The following TACR1 variants were observed in gnomAD, a reference collection of about 807,000 sequenced individuals.
The protein encoded by TACR1 is tachykinin receptor 1.
A neutral mutation model predicts 35.8 loss-of-function variants in TACR1; 25 were observed. The observed-to-expected ratio is 0.70, with a 90% CI of 0.51 to 0.98. TACR1 has a LOEUF of 0.98. Ranked by LOEUF, TACR1 falls within the 50% of genes least tolerant of loss-of-function variation. TACR1 has a pLI of 0.00. For synonymous variants in TACR1, 195 were observed against 206.7 expected, an observed-to-expected ratio of 0.94 and a Z score of 0.48; for missense variants, 478 against 522.9, an observed-to-expected ratio of 0.91 and a Z score of 0.84.
intron 1 of TACR1, among the ~76,000 whole-genome samples, chr2:75,179,954 TATGGCCTTCTTCTCTAGCCTCTACCC>T (rs1163078263): frequency 6.6e-6 from 1 of 152,230 alleles, no homozygotes; most frequent in Non-Finnish European, 1.5e-5. Flanking sequence ...TTGTGGTCTA[TATGGCCTTCTTCTCTAGCCTCTACCC>T]TGACTCACTC....
At chr2:75,150,418 G>A (rs1674644655) in intron 1 of TACR1, among the ~76,000 whole-genome samples, 1 of 152,048 alleles carries the variant, frequency 6.6e-6, no homozygotes, top group Non-Finnish European at 1.5e-5. Flanking sequence ...GAATCATAGG[G>A]GCCTGTCTTT....
At chr2:75,103,678 T>A (rs1007996579) in intron 2 of TACR1, among the ~76,000 whole-genome samples, 1 of 152,146 alleles carries the variant, frequency 6.6e-6, no homozygotes, top group Non-Finnish European at 1.5e-5. Flanking sequence ...GTAGGAACAT[T>A]CCTCTCCACT....
intron 1 of TACR1, among the ~76,000 whole-genome samples, chr2:75,161,265 A>T (rs1162543518): frequency 6.6e-6 from 1 of 152,166 alleles, no homozygotes; most frequent in Non-Finnish European, 1.5e-5. Context: ...CAAATCTTGC[A>T]AACATTTAAA....
At chr2:75,112,364 G>A (rs1235964637) in intron 2 of TACR1, among the ~76,000 whole-genome samples, 1 of 151,922 alleles carries the variant, frequency 6.6e-6, no homozygotes, top group Non-Finnish European at 1.5e-5. Context: ...AACTCTTTCA[G>A]ATGATTCACT....
intron 1 of TACR1, among the ~76,000 whole-genome samples, chr2:75,141,529 GA>G (rs531502268): frequency 7.3e-4 from 105 of 144,564 alleles, no homozygotes; most frequent in East Asian, 1.4e-3. Context: ...TGGAGGCAAG[GA>G]AAAAAAAAAA....
intron 2 of TACR1, chr2:75,118,905 C>G (rs574854513): frequency 2.6e-5 from 4 of 152,132 alleles, no homozygotes; most frequent in African/African-American, 9.6e-5. Context: ...TGTGTTCTTT[C>G]TCCCGCTGGG....
intron 1 of TACR1, among the ~76,000 whole-genome samples, chr2:75,131,409 A>C (rs1178387158): frequency 6.6e-6 from 1 of 152,174 alleles, no homozygotes; most frequent in African/African-American, 2.4e-5. Context: ...AATTCTTTAA[A>C]AAATTCAACT....
At chr2:75,175,147 T>G (rs575119090) in intron 1 of TACR1, among the ~76,000 whole-genome samples, 2 of 152,320 alleles carry the variant, frequency 1.3e-5, no homozygotes, top group East Asian at 3.9e-4. Flanking sequence ...TACTTCCTTT[T>G]GCAAATTGGA....
At chr2:75,099,756 GTCC>G (rs1302909439) in intron 2 of TACR1, among the ~76,000 whole-genome samples, 1 of 152,098 alleles carries the variant, frequency 6.6e-6, no homozygotes, top group African/African-American at 2.4e-5. Context: ...CTTTTATCAA[GTCC>G]TCCTTTTCTA....
At chr2:75,157,153 G>A (rs1425280112) in intron 1 of TACR1, among the ~76,000 whole-genome samples, 13 of 152,096 alleles carry the variant, frequency 8.5e-5, no homozygotes, top group Non-Finnish European at 1.5e-5. Flanking sequence ...GGCAGGGGTT[G>A]GGGGATTGAT....
intron 1 of TACR1, among the ~76,000 whole-genome samples, chr2:75,127,465 C>T (rs1165635561): frequency 2.0e-5 from 3 of 152,206 alleles, no homozygotes; most frequent in African/African-American, 7.2e-5. Context: ...GTTTTGATCT[C>T]CATGCCCAGT....
chr2:75,117,102 GCCT>G (rs1673879762), intron 2 of TACR1, among the ~76,000 whole-genome samples: 1 of 150,602 alleles, frequency 6.6e-6, no homozygotes, highest in African/African-American at 2.5e-5. Flanking sequence ...GAAGTTGTGT[GCCT>G]CCTCATAATA....
At chr2:75,198,500 G>C in intron 1 of TACR1, 46 bp downstream of exon 1, 1 of 1,593,134 alleles carries the variant, frequency 6.3e-7, no homozygotes, top group Non-Finnish European at 8.6e-7. Flanking sequence ...CAATGCCGTG[G>C]TCCTCTATGA....
chr2:75,080,268 C>T (rs1195592685), intron 2 of TACR1, among the ~76,000 whole-genome samples: 2 of 152,070 alleles, frequency 1.3e-5, no homozygotes, highest in Non-Finnish European at 2.9e-5. Context: ...TCAGTCACTC[C>T]GTCCTGGAAA....
At chr2:75,150,141 C>A (rs1478292206) in intron 1 of TACR1, among the ~76,000 whole-genome samples, 5 of 152,110 alleles carry the variant, frequency 3.3e-5, no homozygotes, top group Admixed American at 6.6e-5. Context: ...GAATTCACTA[C>A]AAACTCTATT....
intron 2 of TACR1, among the ~76,000 whole-genome samples, chr2:75,110,950 T>C (rs1673738305): frequency 6.6e-6 from 1 of 151,958 alleles, no homozygotes; most frequent in Non-Finnish European, 1.5e-5. Flanking sequence ...ATACTTAACA[T>C]TTTCATTAAG....
At chr2:75,172,147 T>A (rs1422775802) in intron 1 of TACR1, among the ~76,000 whole-genome samples, 1 of 152,246 alleles carries the variant, frequency 6.6e-6, no homozygotes, top group Non-Finnish European at 1.5e-5. Flanking sequence ...CTCCTCATTT[T>A]GTGCTATAGA....
intron 1 of TACR1, among the ~76,000 whole-genome samples, chr2:75,141,568 A>G (rs776672158): frequency 2.6e-5 from 4 of 151,994 alleles, no homozygotes; most frequent in Non-Finnish European, 5.9e-5. Flanking sequence ...GGAGGATGGT[A>G]CTAGGAAAGA....
At chr2:75,158,505 C>T (rs3771840) in intron 1 of TACR1, among the ~76,000 whole-genome samples, 79,777 of 152,026 alleles carry the variant, frequency 0.52, 21,205 homozygotes, top group Non-Finnish European at 0.55. Flanking sequence ...AGTGCTCTAT[C>T]GCAGGCCTCA....
Sources: gnomAD v4.1 joint callset for allele counts (sites outside exome capture counted in the v4.1 genomes callset) on GRCh38, gnomAD v4.1.1 for gene constraint, MANE v1.5 for transcripts, NCBI Gene and HGNC (gene_info 2026-07-23, HGNC 2026-07-21) for gene names.